The following SLC39A10 variants were observed in gnomAD, a reference collection of about 807,000 sequenced individuals.
SLC39A10 encodes zinc transporter ZIP10.
Under a neutral mutation model 65.1 loss-of-function variants are expected in SLC39A10, and 13 were observed. The observed-to-expected ratio is 0.20, with a 90% CI of 0.13 to 0.32. SLC39A10 has a LOEUF of 0.32. SLC39A10 is among the 10% of genes least tolerant of loss of function. SLC39A10 has a pLI of 1.00. For synonymous variants in SLC39A10, 321 were observed against 342.2 expected, an observed-to-expected ratio of 0.94 and a Z score of 0.68; for missense variants, 831 against 1,018.4, an observed-to-expected ratio of 0.82 and a Z score of 2.50.
chr2:195,702,188 G>A (rs6714748), intron 3 of SLC39A10, among the ~76,000 whole-genome samples: 22,393 of 152,180 alleles, frequency 0.15, 1,936 homozygotes, highest in African/African-American at 0.23. Flanking sequence ...TTGCAAAAAT[G>A]AGGAGAGGTA....
intron 8 of SLC39A10, among the ~76,000 whole-genome samples, chr2:195,721,981 A>G (rs187403364): frequency 8.5e-5 from 13 of 152,232 alleles, no homozygotes; most frequent in African/African-American, 3.1e-4. Flanking sequence ...GCAATTTCTC[A>G]TTGAAGGAGT....
chr2:195,725,728 AT>A, intron 8 of SLC39A10, among the ~76,000 whole-genome samples: 1 of 152,202 alleles, frequency 6.6e-6, no homozygotes, highest in Non-Finnish European at 1.5e-5. Flanking sequence ...TTGCTGGTGA[AT>A]ATAGATAAAT....
At chr2:195,616,668 A>G (rs1688216774) in intron 2 of SLC39A10, among the ~76,000 whole-genome samples, 2 of 151,036 alleles carry the variant, frequency 1.3e-5, no homozygotes, top group South Asian at 4.2e-4. Context: ...CAGTGGTGCC[A>G]TCTCGGCTCA....
intron 1 of SLC39A10, among the ~76,000 whole-genome samples, chr2:195,671,295 C>T (rs1197846290): frequency 2.0e-5 from 3 of 152,140 alleles, no homozygotes; most frequent in Admixed American, 6.5e-5. Context: ...TGATAGAATA[C>T]TTAGGCTTTT....
chr2:195,732,152 A>G (rs1351810244), intron 9 of SLC39A10, among the ~76,000 whole-genome samples: 8 of 152,330 alleles, frequency 5.3e-5, no homozygotes, highest in East Asian at 1.9e-4. Context: ...ACAACATGCC[A>G]TACCAAAAAG....
At chr2:195,641,701 T>G (rs1424375737) in intron 2 of SLC39A10, among the ~76,000 whole-genome samples, 5 of 150,906 alleles carry the variant, frequency 3.3e-5, no homozygotes, top group Non-Finnish European at 7.4e-5. Flanking sequence ...TTTTTTTTTT[T>G]TTGAGTTGGA....
At chr2:195,648,291 C>T (rs906721942) in intron 2 of SLC39A10, among the ~76,000 whole-genome samples, 3 of 152,008 alleles carry the variant, frequency 2.0e-5, no homozygotes, top group Non-Finnish European at 2.9e-5. Context: ...CTACTGAACT[C>T]GGCCCTTATC....
At chr2:195,690,964 G>A (rs1690715979) in intron 3 of SLC39A10, among the ~76,000 whole-genome samples, 2 of 152,050 alleles carry the variant, frequency 1.3e-5, no homozygotes, top group Admixed American at 1.3e-4. Context: ...CCCAACCAGT[G>A]TATACTGTAC....
intron 2 of SLC39A10, among the ~76,000 whole-genome samples, chr2:195,623,262 G>C (rs541410315): frequency 6.6e-6 from 1 of 152,210 alleles, no homozygotes; most frequent in African/African-American, 2.4e-5. Context: ...TTACCCAAGG[G>C]CATGTATTTT....
intron 8 of SLC39A10, among the ~76,000 whole-genome samples, chr2:195,721,250 C>CT (rs1692027092): frequency 1.3e-5 from 2 of 152,144 alleles, no homozygotes; most frequent in Admixed American, 1.3e-4. Flanking sequence ...ATGAGTCACA[C>CT]TTTCAATGAC....
chr2:195,735,092 C>T lies in SLC39A10; in HGVS notation c.*51C>T, dbSNP rs1055150415. The T allele has an allele frequency of 5.1e-6, 8 of 1,569,246 alleles. No individual in the cohort carries two copies. Among genetic ancestry groups the T allele is most frequent in the African/African-American group, 4.1e-5 (3 of 73,366 alleles). On this transcript the variant is annotated 3_prime_UTR_variant, in exon 10 of 10. Coordinates refer to ENST00000359634, the MANE Select transcript of SLC39A10 (RefSeq NM_020342.3). ...ACGAGAATGTTACCATGCAGCTTTG[C>T]ATCTGTTCCTTGTACTGTATGCACA... is the stretch of plus-strand genomic sequence containing the variant.
At chr2:195,716,082 T>A (rs1691796541) in intron 6 of SLC39A10, among the ~76,000 whole-genome samples, 1 of 152,212 alleles carries the variant, frequency 6.6e-6, no homozygotes, top group African/African-American at 2.4e-5. Flanking sequence ...TCAGCATAGC[T>A]TTTTGGGTTC....
At position 195,735,091 on chromosome 2, in the gene SLC39A10, G is replaced by C. The variant is rs750371330; in HGVS notation, c.*50G>C. ...TACGAGAATGTTACCATGCAGCTTT[G>C]CATCTGTTCCTTGTACTGTATGCAC... is the stretch of plus-strand genomic sequence containing the variant. On this transcript the variant is annotated 3_prime_UTR_variant, in exon 10 of 10. Coordinates refer to ENST00000359634, the MANE Select transcript of SLC39A10 (RefSeq NM_020342.3). 3.8e-6 allele frequency: 6 copies of C among 1,571,942 alleles called. No homozygotes were observed. The highest frequency in any genetic ancestry group is 2.3e-5 in the East Asian group (1 of 44,350).
At chr2:195,684,485 G>GT (rs1458179750) in intron 3 of SLC39A10, among the ~76,000 whole-genome samples, 3 of 152,046 alleles carry the variant, frequency 2.0e-5, no homozygotes, top group African/African-American at 7.2e-5. Context: ...CCACCTTGGT[G>GT]TTCACAGGTA....
At chr2:195,633,701 C>G (rs931947083) in intron 2 of SLC39A10, among the ~76,000 whole-genome samples, 1 of 141,458 alleles carries the variant, frequency 7.1e-6, no homozygotes, top group Non-Finnish European at 1.5e-5. Flanking sequence ...AGTATTCTTC[C>G]CCTGAAGTCC....
Position 195,657,537 on chromosome 2 carries a change from G to T in SLC39A10, c.-12+256G>T. 2.3e-5 allele frequency: 23 copies of T among 983,508 alleles called. 1 individual carries two copies. The highest frequency in any genetic ancestry group is 2.8e-5 in the Non-Finnish European group (23 of 828,212). 60.9% of individuals were successfully genotyped at this position (983,508 alleles called of 1,614,324 possible). A position where few individuals can be genotyped will look rare whatever the true frequency, so the allele number is the denominator to read the frequency against. On this transcript the variant is annotated intron_variant, in intron 1 of 9. Coordinates refer to ENST00000359634, the MANE Select transcript of SLC39A10 (RefSeq NM_020342.3). The stretch of plus-strand genomic sequence containing the variant: ...CTCGTGTGCGGTCTGGGCTGCTGCG[G>T]GCCGCGGGATCGGGAGCCGGCGGCA...
intron 8 of SLC39A10, among the ~76,000 whole-genome samples, chr2:195,719,720 C>A (rs949646107): frequency 4.2e-4 from 63 of 151,266 alleles, no homozygotes; most frequent in African/African-American, 1.5e-3. Flanking sequence ...TGGGTTCAAG[C>A]GATTCTCATG....
intron 1 of SLC39A10, among the ~76,000 whole-genome samples, chr2:195,664,675 T>C (rs1689566568): frequency 6.6e-6 from 1 of 152,134 alleles, no homozygotes; most frequent in Admixed American, 6.5e-5. Context: ...TAAAAATTTA[T>C]AATAATGTGA....
chr2:195,634,909 A>T (rs1030096397), intron 2 of SLC39A10, among the ~76,000 whole-genome samples: 1 of 152,066 alleles, frequency 6.6e-6, no homozygotes, highest in Non-Finnish European at 1.5e-5. Context: ...TTAGCCAGGC[A>T]TGATGGTGGG....
Sources: gnomAD v4.1 joint callset for allele counts (sites outside exome capture counted in the v4.1 genomes callset) on GRCh38, gnomAD v4.1.1 for gene constraint, MANE v1.5 for transcripts, NCBI Gene and HGNC (gene_info 2026-07-23, HGNC 2026-07-21) for gene names.